NAV2: variants seen among roughly 807,000 people sequenced by gnomAD.
The protein encoded by NAV2 is neuron navigator 2.
NAV2 carries 54 observed loss-of-function variants against 223.2 expected under a neutral mutation model. The observed-to-expected ratio is 0.24, with a 90% confidence interval of 0.19 to 0.30. The LOEUF is 0.30. Ranked by LOEUF, NAV2 falls within the 10% of genes least tolerant of loss-of-function variation. The pLI is 1.00. For synonymous variants in NAV2, 1,279 were observed against 1,239.3 expected (o/e 1.03, Z -0.67); for missense variants, 2,806 against 3,147.5 (o/e 0.89, Z 2.60).
chr11:19,610,806 G>GTGGATGGA (rs549517462), intron 1 of NAV2, among the ~76,000 whole-genome samples: 1 of 151,754 alleles, frequency 6.6e-6, no homozygotes, highest in African/African-American at 2.4e-5. Context: ...GGATGGGGCA[G>GTGGATGGA]TGGATGGATG....
At chr11:19,999,787 G>A (rs1307920416) in intron 11 of NAV2, among the ~76,000 whole-genome samples, 1 of 152,224 alleles carries the variant, frequency 6.6e-6, no homozygotes, top group Non-Finnish European at 1.5e-5. Flanking sequence ...CTGCTGTGAA[G>A]ATTAAATGAG....
At chr11:19,523,855 T>G (rs1471927675) in intron 1 of NAV2, among the ~76,000 whole-genome samples, 1 of 152,226 alleles carries the variant, frequency 6.6e-6, no homozygotes, top group Non-Finnish European at 1.5e-5. Flanking sequence ...TCTGACTCCC[T>G]GTGTCCCCAG....
At chr11:20,025,932 C>A (rs2055021137) in intron 11 of NAV2, among the ~76,000 whole-genome samples, 1 of 152,230 alleles carries the variant, frequency 6.6e-6, no homozygotes, top group Non-Finnish European at 1.5e-5. Context: ...CATGGACTCT[C>A]TCCCATATAC....
intron 10 of NAV2, among the ~76,000 whole-genome samples, chr11:19,953,478 G>A (rs1591397897): frequency 6.6e-6 from 1 of 151,678 alleles, no homozygotes; most frequent in East Asian, 1.9e-4. Context: ...CATTTGCAAA[G>A]CCCTCCCTCC....
chr11:19,696,267 T>C (rs527610103), intron 1 of NAV2, among the ~76,000 whole-genome samples: 17 of 152,382 alleles, frequency 1.1e-4, no homozygotes, highest in South Asian at 2.1e-4. Flanking sequence ...TTTCCCAGTG[T>C]TCCCATCTGG....
At chr11:19,553,509 C>CCACACACACA (rs112504639) in intron 1 of NAV2, among the ~76,000 whole-genome samples, 1 of 151,154 alleles carries the variant, frequency 6.6e-6, no homozygotes, top group African/African-American at 2.4e-5. Flanking sequence ...GTAATGCAGA[C>CCACACACACA]CACACACACA....
chr11:19,470,385 C>G (rs2041926088), intron 1 of NAV2, among the ~76,000 whole-genome samples: 1 of 152,144 alleles, frequency 6.6e-6, no homozygotes, highest in Non-Finnish European at 1.5e-5. Flanking sequence ...AAAAGAATAC[C>G]TGAGACTGGG....
intron 1 of NAV2, among the ~76,000 whole-genome samples, chr11:19,417,628 A>G (rs984713063): frequency 1.3e-5 from 2 of 152,224 alleles, no homozygotes; most frequent in Non-Finnish European, 1.5e-5. Flanking sequence ...TCATTCTACT[A>G]TAAAGACACA....
rs764430129 is a variant in NAV2 at position 19,803,846 on chromosome 11, ACGT to A, written c.268-28637_268-28635del. Reference sequence around the variant, plus strand: ...AAGTAATAGCAATCTGACTTGTTTGACGTGTGTTTCCTCTGCCTCGCCCCATCT... The same window carrying A: ...AAGTAATAGCAATCTGACTTGTTTGAGTGTTTCCTCTGCCTCGCCCCATCT... On this transcript the variant is annotated intron_variant, in intron 1 of 37. Coordinates refer to ENST00000349880, the MANE Select transcript of NAV2 (RefSeq NM_145117.5). Among the ~76,000 whole-genome samples, 53 of 152,216 alleles carry A rather than the reference ACGT, an allele frequency of 3.5e-4. 1 individual carries two copies. Among genetic ancestry groups the A allele is most frequent in the Admixed American group, 1.3e-4 (2 of 15,288 alleles).
Position 19,454,500 on chromosome 11 carries a change from C to T in NAV2, c.75+103473C>T, listed in dbSNP as rs543256209. 8.5e-5 allele frequency among the ~76,000 whole-genome samples: 13 copies of T among 152,266 alleles called. 1 individual carries two copies. The South Asian group carries it at 2.3e-3, about 27-fold the overall frequency. Reference sequence around the variant, plus strand: ...TGTGTGCTGGGCCTGGGGCTTTAGACGAAGTGTCCTGGACTGGAAGATCCC... The same window carrying T: ...TGTGTGCTGGGCCTGGGGCTTTAGATGAAGTGTCCTGGACTGGAAGATCCC... On this transcript the variant is annotated intron_variant, in intron 1 of 37. Coordinates refer to the NAV2 transcript ENST00000360655.
chr11:19,685,061 C>G (rs535155216), intron 1 of NAV2, among the ~76,000 whole-genome samples: 2 of 152,180 alleles, frequency 1.3e-5, no homozygotes, highest in African/African-American at 4.8e-5. Context: ...AGGATGAGAG[C>G]AAGACCCAAA....
Position 19,960,629 on chromosome 11 carries a change from T to TTTATTTA in NAV2, c.2645+11551_2645+11552insATTTATT, listed in dbSNP as rs1565648983. Among the ~76,000 whole-genome samples, 18 of 87,910 alleles carry TTTATTTA rather than the reference T, an allele frequency of 2.0e-4. No homozygotes were observed. In the East Asian group the frequency reaches 2.5e-3, roughly 12 times the overall value. 57.7% of individuals were successfully genotyped at this position (87,910 alleles called of 152,430 possible). On this transcript the variant is annotated intron_variant, in intron 10 of 37. Coordinates refer to ENST00000349880, the MANE Select transcript of NAV2 (RefSeq NM_145117.5). ...TATTTATTTATTTATTTATTTATTTTTTGAGACAGAATCTTGCTCCGTTGC... is the reference window on the plus strand; with the variant it reads ...TATTTATTTATTTATTTATTTATTTTTTATTTATTGAGACAGAATCTTGCTCCGTTGC...
intron 7 of NAV2, among the ~76,000 whole-genome samples, chr11:19,937,355 C>CA (rs1006140003): frequency 6.7e-6 from 1 of 150,038 alleles, no homozygotes; most frequent in East Asian, 2.0e-4. Flanking sequence ...AATTGCTCCC[C>CA]CCCCGCCCAC....
At chr11:19,691,750 T>G (rs1458752297) in intron 1 of NAV2, among the ~76,000 whole-genome samples, 1 of 152,024 alleles carries the variant, frequency 6.6e-6, no homozygotes, top group Non-Finnish European at 1.5e-5. Context: ...CAGTCCCCAC[T>G]CTCACCCAGC....
At chr11:19,429,623 C>T (rs927299598) in intron 1 of NAV2, among the ~76,000 whole-genome samples, 3 of 152,170 alleles carry the variant, frequency 2.0e-5, no homozygotes, top group Non-Finnish European at 4.4e-5. Flanking sequence ...TCAGTGATGG[C>T]AAATAGAGGA....
intron 1 of NAV2, among the ~76,000 whole-genome samples, chr11:19,482,802 A>T (rs771028243): frequency 9.2e-5 from 14 of 152,148 alleles, no homozygotes; most frequent in Non-Finnish European, 1.8e-4. Context: ...TATTCTCTTT[A>T]AGGCAGTTGG....
chr11:19,720,916 A>C (rs562511141), intron 1 of NAV2, among the ~76,000 whole-genome samples: 27 of 152,306 alleles, frequency 1.8e-4, no homozygotes, highest in African/African-American at 4.6e-4. Context: ...TAAAATGGAG[A>C]AGATAGTACC....
In NAV2 at chr11:19,955,543, G is replaced by A. The variant is rs540525854; in HGVS notation, c.2645+6463G>A. Among the ~76,000 whole-genome samples, 14 of 152,324 alleles carry A rather than the reference G, an allele frequency of 9.2e-5. No homozygotes were observed. The South Asian group carries it at 2.7e-3, about 29-fold the overall frequency. On this transcript the variant is annotated intron_variant, in intron 10 of 37. Transcript: ENST00000349880. ...TCTTCTTCTGGGCCCTGTCAGTTTAGACTGCCTCTAACCCTGTGAGCTTGA... is the reference window on the plus strand; with the variant it reads ...TCTTCTTCTGGGCCCTGTCAGTTTAAACTGCCTCTAACCCTGTGAGCTTGA...
intron 1 of NAV2, among the ~76,000 whole-genome samples, chr11:19,477,043 G>T (rs1262162513): frequency 6.6e-6 from 1 of 152,138 alleles, no homozygotes; most frequent in Non-Finnish European, 1.5e-5. Context: ...ATTCCCAAGG[G>T]GTCCTTTGCC....
Sources: allele counts gnomAD v4.1 joint callset (sites outside exome capture counted in the v4.1 genomes callset), GRCh38; gene constraint gnomAD v4.1.1; transcripts MANE v1.5; gene names NCBI Gene and HGNC (gene_info 2026-07-23, HGNC 2026-07-21).